Variants in DUSP10 observed in about 807,000 individuals in gnomAD.
DUSP10 encodes dual specificity protein phosphatase 10.
DUSP10 carries 14 observed loss-of-function variants against 30.8 expected under a neutral mutation model. That is an observed-to-expected ratio of 0.46 (90% CI 0.30 to 0.71). The LOEUF (loss-of-function observed/expected upper bound fraction) is 0.71, where lower values mean the gene tolerates loss of function less well. DUSP10 is among the 30% of genes least tolerant of loss of function. The probability of loss-of-function intolerance (pLI) is 0.08; values close to 1 mark genes in which losing one functional copy is unlikely to be tolerated. For synonymous variants in DUSP10, 254 were observed against 250.4 expected, an observed-to-expected ratio of 1.01 and a Z score of -0.14; for missense variants, 550 against 619.4, an observed-to-expected ratio of 0.89 and a Z score of 1.19.
intron 2 of DUSP10, among the ~76,000 whole-genome samples, chr1:221,713,584 G>C (rs996054214): frequency 1.4e-5 from 2 of 141,042 alleles, no homozygotes; most frequent in Non-Finnish European, 3.1e-5. Context: ...GTTTTTCTCA[G>C]AGTCATTCTA....
At chr1:221,737,427 T>A in intron 2 of DUSP10, 3 of 985,218 alleles carry the variant, frequency 3.0e-6, no homozygotes, top group Non-Finnish European at 3.6e-6. Context: ...GCAGGGTAAA[T>A]ATCCTGGGAA....
chr1:221,714,299 T>G (rs947427759), intron 2 of DUSP10, among the ~76,000 whole-genome samples: 1 of 152,212 alleles, frequency 6.6e-6, no homozygotes, highest in African/African-American at 2.4e-5. Flanking sequence ...AACGTTTTCC[T>G]TTTAATGAAA....
chr1:221,716,296 T>A (rs1289085528), intron 2 of DUSP10, among the ~76,000 whole-genome samples: 1 of 152,180 alleles, frequency 6.6e-6, no homozygotes, highest in African/African-American at 2.4e-5. Flanking sequence ...GAGAATACCA[T>A]CTTTAACTCA....
chr1:221,702,122 T>C lies in DUSP10; in HGVS notation c.*290A>G. On this transcript the variant is annotated 3_prime_UTR_variant, in exon 4 of 4. Coordinates refer to ENST00000366899, the MANE Select transcript of DUSP10 (RefSeq NM_007207.6). This position sits in a 1 kb window ranked among gnomAD's most constrained non-coding sequence, Gnocchi z 4.5. ...TTTAGTCATAAACTCTACAAATAGC[T>C]TAAAAGGAAAAGGGGGAGAAACAAG... The C allele has an allele frequency of 2.7e-6, 1 of 367,892 alleles. No homozygotes were observed. Among genetic ancestry groups the C allele is most frequent in the Non-Finnish European group, 5.0e-6 (1 of 199,256 alleles). 22.8% of individuals were successfully genotyped at this position (367,892 alleles called of 1,614,324 possible). A position where few individuals can be genotyped will look rare whatever the true frequency, so the allele number is the denominator to read the frequency against.
chr1:221,719,766 G>A (rs1027155381), intron 2 of DUSP10, among the ~76,000 whole-genome samples: 1 of 152,162 alleles, frequency 6.6e-6, no homozygotes, highest in Non-Finnish European at 1.5e-5. Context: ...TGACAGCAAG[G>A]ACTCAGAGGG....
chr1:221,724,033 C>T (rs181557503), intron 2 of DUSP10, among the ~76,000 whole-genome samples: 2 of 152,342 alleles, frequency 1.3e-5, no homozygotes, highest in Admixed American at 1.3e-4. Flanking sequence ...CCAAGGGGCT[C>T]ATCATGCATA....
chr1:221,717,060 C>G (rs958259224), intron 2 of DUSP10, among the ~76,000 whole-genome samples: 15 of 152,244 alleles, frequency 9.9e-5, no homozygotes, highest in African/African-American at 3.4e-4. Context: ...AGAAGGCAGT[C>G]ACAAATTAAG....
At chr1:221,713,234 T>C (rs948202008) in intron 2 of DUSP10, among the ~76,000 whole-genome samples, 5 of 152,196 alleles carry the variant, frequency 3.3e-5, no homozygotes, top group Non-Finnish European at 7.4e-5. Context: ...GACAGCCCAC[T>C]GTAGCTCTGC....
intron 2 of DUSP10, among the ~76,000 whole-genome samples, chr1:221,733,566 T>TG (rs1661678326): frequency 6.6e-6 from 1 of 152,216 alleles, no homozygotes; most frequent in Non-Finnish European, 1.5e-5. Context: ...CCAATACCCC[T>TG]GCCCCTGCAA....
At chr1:221,714,603 A>G (rs1290192226) in intron 2 of DUSP10, among the ~76,000 whole-genome samples, 3 of 152,168 alleles carry the variant, frequency 2.0e-5, no homozygotes, top group Non-Finnish European at 1.5e-5. Context: ...CCAATCTGTG[A>G]GCCCTATGTA....
intron 3 of DUSP10, among the ~76,000 whole-genome samples, chr1:221,704,316 T>TAAAA (rs10543773): frequency 1.5e-5 from 2 of 134,364 alleles, no homozygotes; most frequent in African/African-American, 2.6e-5. Flanking sequence ...TTGTTTTCCT[T>TAAAA]AAAAAAAAAA....
In DUSP10 at chr1:221,706,340, G is replaced by C. The variant is rs1660759685; in HGVS notation, c.938C>G (p.Thr313Ser). 2.5e-6 allele frequency: 4 copies of C among 1,611,878 alleles called. No homozygotes were observed. Among genetic ancestry groups the C allele is most frequent in the Non-Finnish European group, 3.4e-6 (4 of 1,178,144 alleles). The change falls in exon 3 of 4, where the codon ACC (threonine) becomes AGC (serine). Residue 313 changes from threonine to serine, a missense_variant. Transcript: ENST00000366899. The surrounding 1 kb of genome is among the most constrained non-coding windows in gnomAD (Gnocchi z 4.6). ...ASSLLPQPIP[T>S]TPDIENAELT... ...CTCAGCGTTCTCGATGTCAGGGGTGGTGGGGATGGGCTGAGGTAGCAAGCT... is the reference window on the plus strand; with the variant it reads ...CTCAGCGTTCTCGATGTCAGGGGTGCTGGGGATGGGCTGAGGTAGCAAGCT...
At chr1:221,719,624 G>A (rs758191846) in intron 2 of DUSP10, among the ~76,000 whole-genome samples, 1 of 152,344 alleles carries the variant, frequency 6.6e-6, no homozygotes, top group Non-Finnish European at 1.5e-5. Context: ...GACCAGCCAA[G>A]TAATGGTCAG....
intron 2 of DUSP10, among the ~76,000 whole-genome samples, chr1:221,724,079 G>T (rs1022695276): frequency 1.3e-5 from 2 of 152,162 alleles, no homozygotes; most frequent in African/African-American, 2.4e-5. Context: ...AGTTCCAAGG[G>T]TTTAGAAATT....
chr1:221,705,841 G>A (rs2102613308), intron 3 of DUSP10, among the ~76,000 whole-genome samples: 1 of 152,288 alleles, frequency 6.6e-6, no homozygotes, highest in African/African-American at 2.4e-5. Flanking sequence ...GAACTTGAGG[G>A]ATGAGGATTT....
Position 221,702,767 on chromosome 1 carries a change from T to A in DUSP10, c.1184-90A>T. 1 of 1,323,362 alleles carries A rather than the reference T, an allele frequency of 7.6e-7. No homozygotes were observed. Among genetic ancestry groups the A allele is most frequent in the Non-Finnish European group, 1.0e-6 (1 of 960,146 alleles). 82.0% of individuals were successfully genotyped at this position (1,323,362 alleles called of 1,614,324 possible). A position where few individuals can be genotyped will look rare whatever the true frequency, so the allele number is the denominator to read the frequency against. On this transcript the variant is annotated intron_variant, in intron 3 of 3. Coordinates refer to ENST00000366899, the MANE Select transcript of DUSP10 (RefSeq NM_007207.6). This position sits in a 1 kb window ranked among gnomAD's most constrained non-coding sequence, Gnocchi z 4.5. The stretch of plus-strand genomic sequence containing the variant: ...CTTTCATCTCAACTTTGCAATGCCT[T>A]ATTTTGTATAGAAATAATGAATTAA...
Position 221,739,185 on chromosome 1 carries a change from T to G in DUSP10, c.560A>C (p.His187Pro). Residue 187 changes from histidine (H) to proline (P), a missense_variant, in exon 2 of 4, where the codon CAC (histidine) becomes CCC (proline). Physicochemically the swap from His to Pro is moderately conservative, Grantham distance 77. Transcript: ENST00000366899. ...GTTAATGTGGACAGCTCCTTGGATG[T>G]GACTCTTGTTGTACTCCATGAAGGG... ...CRPFMEYNKS[H>P]IQGAVHINCA... 6.2e-7 allele frequency: 1 copy of G among 1,614,194 alleles called. No homozygotes were observed. The highest frequency in any genetic ancestry group is 8.5e-7 in the Non-Finnish European group (1 of 1,180,026).
chr1:221,736,976 C>G, intron 2 of DUSP10: 4 of 985,508 alleles, frequency 4.1e-6, no homozygotes, highest in Non-Finnish European at 4.8e-6. Flanking sequence ...CCCATTGAGG[C>G]AATCTTACTC....
At chr1:221,704,538 T>C (rs1360591347) in intron 3 of DUSP10, among the ~76,000 whole-genome samples, 1 of 152,226 alleles carries the variant, frequency 6.6e-6, no homozygotes, top group Non-Finnish European at 1.5e-5. Context: ...TGAGAAATTT[T>C]TCTTCCTCAG....
Sources: gnomAD v4.1 joint callset for allele counts (sites outside exome capture counted in the v4.1 genomes callset) on GRCh38, gnomAD v4.1.1 for gene constraint, Gnocchi (gnomAD v3.1) non-coding constraint, MANE v1.5 for transcripts, NCBI Gene and HGNC (gene_info 2026-07-23, HGNC 2026-07-21) for gene names.